The following GRIK1 variants were observed in gnomAD, a reference collection of about 807,000 sequenced individuals.
GRIK1 encodes the protein glutamate ionotropic receptor kainate type subunit 1, also known as glutamate receptor ionotropic, kainate 1.
Under a neutral mutation model 105.7 loss-of-function variants are expected in GRIK1, and 69 were observed. That is an observed-to-expected ratio of 0.65 (90% CI 0.54 to 0.80). GRIK1 has a LOEUF of 0.80. GRIK1 is among the 30% of genes least tolerant of loss of function. The probability of loss-of-function intolerance (pLI) is 0.00; values close to 1 mark genes in which losing one functional copy is unlikely to be tolerated. For missense variants in GRIK1, 1,109 were observed against 1,167.3 expected (o/e 0.95, Z 0.73); for synonymous variants, 438 against 431.3 (o/e 1.02, Z -0.19).
chr21:29,572,753 G>A (rs1400207589), intron 14 of GRIK1, among the ~76,000 whole-genome samples: 3 of 151,580 alleles, frequency 2.0e-5, no homozygotes, highest in Non-Finnish European at 4.4e-5. Context: ...TTGGTATTTA[G>A]CTCAATTGGT....
At chr21:29,716,882 G>C (rs533816848) in intron 1 of GRIK1, among the ~76,000 whole-genome samples, 27 of 152,358 alleles carry the variant, frequency 1.8e-4, no homozygotes, top group African/African-American at 5.8e-4. Flanking sequence ...GCATGCCAGA[G>C]ACCTTCACAG....
intron 1 of GRIK1, among the ~76,000 whole-genome samples, chr21:29,807,472 G>C (rs547235567): frequency 1.1e-4 from 16 of 152,168 alleles, no homozygotes; most frequent in Admixed American, 8.5e-4. Flanking sequence ...TGTTTCCATA[G>C]GGTCAGGTTG....
At position 29,710,769 on chromosome 21, in the gene GRIK1, GTCCC is replaced by G. The variant is rs1335450887; in HGVS notation, c.119-16710_119-16707del. ...CTTTTGCCTTTCCCTCCCTCCGTCC[GTCCC>G]TCCCTCCCTCCCTCCCTCCTTCCTT... On this transcript the variant is annotated intron_variant, in intron 1 of 17. Coordinates refer to ENST00000327783, the MANE Select transcript of GRIK1 (RefSeq NM_001330994.2). Among the ~76,000 whole-genome samples, 212 of 83,322 alleles carry G rather than the reference GTCCC, an allele frequency of 2.5e-3. 1 individual carries two copies. The highest frequency in any genetic ancestry group is 8.3e-3 in the African/African-American group (171 of 20,680). The allele number at this position is 83,322 out of a possible 152,430, so 54.7% of individuals were successfully genotyped here. A position where few individuals can be genotyped will look rare whatever the true frequency, so the allele number is the denominator to read the frequency against.
intron 12 of GRIK1, among the ~76,000 whole-genome samples, chr21:29,583,347 G>A (rs1345187666): frequency 6.6e-6 from 1 of 152,114 alleles, no homozygotes; most frequent in Non-Finnish European, 1.5e-5. Context: ...AGCATGCAGA[G>A]TAAAGATCCC....
chr21:29,819,734 C>T (rs1277441715), intron 1 of GRIK1, among the ~76,000 whole-genome samples: 1 of 151,868 alleles, frequency 6.6e-6, no homozygotes, highest in Non-Finnish European at 1.5e-5. Context: ...AAGGAGCAGT[C>T]AAGACTATTT....
chr21:29,740,463 G>A (rs531264327), intron 1 of GRIK1, among the ~76,000 whole-genome samples: 1 of 152,058 alleles, frequency 6.6e-6, no homozygotes, highest in African/African-American at 2.4e-5. Flanking sequence ...TGATCTGCCC[G>A]CCTCGGTCTC....
intron 7 of GRIK1, among the ~76,000 whole-genome samples, chr21:29,616,270 A>G (rs1315048325): frequency 1.3e-5 from 2 of 152,198 alleles, no homozygotes; most frequent in African/African-American, 4.8e-5. Flanking sequence ...CCATCTCTTG[A>G]GGGATACGGT....
chr21:29,904,339 A>T (rs1021922292), intron 1 of GRIK1, among the ~76,000 whole-genome samples: 1 of 152,026 alleles, frequency 6.6e-6, no homozygotes, highest in Non-Finnish European at 1.5e-5. Context: ...GGACTCAAAT[A>T]ACCTAAATTT....
At chr21:29,933,274 G>A (rs2071635337) in intron 1 of GRIK1, among the ~76,000 whole-genome samples, 1 of 152,140 alleles carries the variant, frequency 6.6e-6, no homozygotes, top group African/African-American at 2.4e-5. Context: ...GGCTTAGAAT[G>A]AAGCAGCTGC....
In GRIK1 at chr21:29,581,508, C is replaced by A. The variant is rs762778397; in HGVS notation, c.1829G>T (p.Cys610Phe). 3 of 1,611,898 alleles carry A rather than the reference C, an allele frequency of 1.9e-6. No homozygotes were observed. Among genetic ancestry groups the A allele is most frequent in the Non-Finnish European group, 2.5e-6 (3 of 1,178,090 alleles). The change falls in exon 13 of 18, where the codon TGC becomes TTC. Residue 610 changes from cysteine to phenylalanine, a missense_variant. By Grantham distance (205) the Cys-to-Phe change is radical. Transcript: ENST00000327783. ...TPYEWYNPHPCNPDSDVVENN... is the reference protein window; with the variant it reads ...TPYEWYNPHPFNPDSDVVENN... ...TTCCACCACGTCTGAGTCAGGGTTG[C>A]ATGGGTGGGGGTTATACCACTCGTA... is the stretch of plus-strand genomic sequence containing the variant.
At chr21:29,727,951 A>T (rs570066531) in intron 1 of GRIK1, among the ~76,000 whole-genome samples, 1 of 152,230 alleles carries the variant, frequency 6.6e-6, no homozygotes, top group Admixed American at 6.5e-5. Flanking sequence ...GAGAAGAGGG[A>T]TGTCTCAACT....
chr21:29,618,999 G>A (rs779235151), intron 7 of GRIK1, among the ~76,000 whole-genome samples: 58 of 151,228 alleles, frequency 3.8e-4, no homozygotes, highest in Non-Finnish European at 7.7e-4. Flanking sequence ...GGTGGTGGGC[G>A]CTTGTAGTCC....
Position 29,866,963 on chromosome 21 carries a change from T to A in GRIK1, c.118+72420A>T, listed in dbSNP as rs73900255. Among the ~76,000 whole-genome samples the A allele has an allele frequency of 6.0e-3, 908 of 152,356 alleles. 10 individuals carry two copies. Among genetic ancestry groups the A allele is most frequent in the African/African-American group, 0.02 (852 of 41,584 alleles). On this transcript the variant is annotated intron_variant, in intron 1 of 17. Coordinates refer to ENST00000327783, the MANE Select transcript of GRIK1 (RefSeq NM_001330994.2). ...TCAAATGTCTAATTCATTCAGCATGTGAGCCTCACATATTTGTTTGAACCC... is the reference window on the plus strand; with the variant it reads ...TCAAATGTCTAATTCATTCAGCATGAGAGCCTCACATATTTGTTTGAACCC...
At chr21:29,844,287 A>G (rs974431081) in intron 1 of GRIK1, among the ~76,000 whole-genome samples, 1 of 152,156 alleles carries the variant, frequency 6.6e-6, no homozygotes, top group African/African-American at 2.4e-5. Flanking sequence ...AGACTGTTCA[A>G]TCAGTGCTAC....
chr21:29,786,045 A>G (rs1260483915), intron 1 of GRIK1, among the ~76,000 whole-genome samples: 1 of 152,190 alleles, frequency 6.6e-6, no homozygotes, highest in Non-Finnish European at 1.5e-5. Flanking sequence ...GCTGGAGTGC[A>G]GTGGCGATCT....
intron 1 of GRIK1, among the ~76,000 whole-genome samples, chr21:29,778,853 T>C (rs966696722): frequency 1.3e-5 from 2 of 152,230 alleles, no homozygotes; most frequent in East Asian, 1.9e-4. Flanking sequence ...TAAGAGATCA[T>C]TGGCTTCTGG....
At chr21:29,636,333 C>CA (rs1289716890) in intron 7 of GRIK1, among the ~76,000 whole-genome samples, 1 of 152,064 alleles carries the variant, frequency 6.6e-6, no homozygotes, top group African/African-American at 2.4e-5. Context: ...CTTAAGTCAA[C>CA]AAAAAAGTCA....
intron 1 of GRIK1, among the ~76,000 whole-genome samples, chr21:29,774,446 C>CTTTTTTTTTTTTTT (rs34378438): frequency 9.8e-6 from 1 of 102,432 alleles, no homozygotes; most frequent in African/African-American, 3.4e-5. Context: ...TTATTTTGCT[C>CTTTTTTTTTTTTTT]TTTTTTTTTT....
chr21:29,617,803 A>G (rs1259149023), intron 7 of GRIK1, among the ~76,000 whole-genome samples: 1 of 152,234 alleles, frequency 6.6e-6, no homozygotes, highest in Non-Finnish European at 1.5e-5. Context: ...GCCAAACGGC[A>G]TGCTGAAGGG....
Sources: gnomAD v4.1 joint callset for allele counts (sites outside exome capture counted in the v4.1 genomes callset) on GRCh38, gnomAD v4.1.1 for gene constraint, MANE v1.5 for transcripts, NCBI Gene and HGNC (gene_info 2026-07-23, HGNC 2026-07-21) for gene names.